Variants in INAVA observed in about 807,000 individuals in gnomAD.
INAVA encodes the protein innate immunity activator protein.
A neutral mutation model predicts 55.3 loss-of-function variants in INAVA; 32 were observed. The ratio of observed to expected loss-of-function variants is 0.58; its 90% CI spans 0.44 to 0.78. INAVA has a LOEUF of 0.78. INAVA is among the 30% of genes least tolerant of loss of function. INAVA has a pLI of 0.00. For missense variants in INAVA, 756 were observed against 786.4 expected (o/e 0.96, Z 0.46); for synonymous variants, 294 against 329.4 (o/e 0.89, Z 1.16).
chr1:200,911,751 G>C lies in INAVA; in HGVS notation c.1258G>C (p.Ala420Pro), dbSNP rs772463898. 3 of 1,611,520 alleles carry C rather than the reference G, an allele frequency of 1.9e-6. No homozygotes were observed. The South Asian group carries it at 3.3e-5, about 18-fold the overall frequency. ...CCCAGCCGGCAGCAGAGAGCTGGTC[G>C]CCCACCACCCCAAGCTACTGCTGCC... ...WVPAGSRELV[A>P]HHPKLLLPPG... The change falls in exon 9 of 10, where the codon GCC (alanine) becomes CCC (proline). Residue 420 changes from alanine to proline, a missense_variant. By Grantham distance (27) the Ala-to-Pro change is conservative (BLOSUM62 -1). Transcript: ENST00000413687.
At position 200,911,710 on chromosome 1, in the gene INAVA, A is replaced by T; in HGVS notation, c.1217A>T (p.His406Leu). The part of the protein sequence containing the change: ...QPLSPPKTHR[H>L]RGAWVPAGSR... ...CTCTCCCCTCCCAAGACCCATCGTCACCGCGGGGCCTGGGTCCCAGCCGGC... is the reference window on the plus strand; with the variant it reads ...CTCTCCCCTCCCAAGACCCATCGTCTCCGCGGGGCCTGGGTCCCAGCCGGC... The change falls in exon 9 of 10, where the codon CAC becomes CTC. Residue 406 changes from histidine (H) to leucine (L), a missense_variant. By Grantham distance (99) the His-to-Leu change is moderately conservative (BLOSUM62 -3). This residue lies in a region of INAVA where 639 missense variants were observed against 624.3 expected (regional missense o/e 1.02). Coordinates refer to ENST00000413687, the MANE Select transcript of INAVA (RefSeq NM_001142569.3). The T allele has an allele frequency of 6.2e-7, 1 of 1,613,424 alleles. No homozygotes were observed. Among genetic ancestry groups the T allele is most frequent in the Non-Finnish European group, 8.5e-7 (1 of 1,179,640 alleles).
intron 3 of INAVA, among the ~76,000 whole-genome samples, chr1:200,899,872 A>ACC (rs1277418686): frequency 6.6e-6 from 1 of 152,216 alleles, no homozygotes; most frequent in Non-Finnish European, 1.5e-5. Context: ...GAGTGCTGTA[A>ACC]CCCGGGTCGG....
intron 5 of INAVA, among the ~76,000 whole-genome samples, chr1:200,903,512 A>G (rs1653351363): frequency 1.3e-5 from 2 of 151,860 alleles, no homozygotes; most frequent in Admixed American, 1.3e-4. Flanking sequence ...AAACAAAACA[A>G]AAAAACAGGA....
rs2271018 is a variant in INAVA, at chr1:200,898,364, C to T, written c.-37C>T. 95 of 1,613,932 alleles carry T rather than the reference C, an allele frequency of 5.9e-5. No homozygotes were observed. In the African/African-American group the frequency reaches 1.2e-3, roughly 21 times the overall value. On this transcript the variant is annotated 5_prime_UTR_variant, in exon 2 of 10. Transcript: ENST00000413687. ...GCCCAGGCTGGTCACGGTGTCCCCC[C>T]TCCCTGCTCTGTGCCCTCTCCTTCC...
chr1:200,891,812 T>A, upstream of INAVA: 1 of 683,608 alleles, frequency 1.5e-6, no homozygotes, highest in Non-Finnish European at 2.2e-6. Context: ...GGGAATGGGG[T>A]AATTTTTTCA....
In INAVA at chr1:200,911,793, G is replaced by A. The variant is rs755916582; in HGVS notation, c.1300G>A (p.Ala434Thr). 116 of 1,609,808 alleles carry A rather than the reference G, an allele frequency of 7.2e-5. 1 individual carries two copies. The highest frequency in any genetic ancestry group is 5.2e-4 in the Middle Eastern group (3 of 5,814). Reference sequence around the variant, plus strand: ...ACTGCTGCCGCCTGGCTATTTCCCGGCGGGGCGGTACGTGGTGGTGGCTGA... The same window carrying A: ...ACTGCTGCCGCCTGGCTATTTCCCGACGGGGCGGTACGTGGTGGTGGCTGA... ...KLLLPPGYFP[A>T]GRYVVVAESP... The change falls in exon 9 of 10, where the codon GCG becomes ACG. Residue 434 changes from alanine (A) to threonine (T), a missense_variant. Physicochemically the swap from Ala to Thr is moderately conservative, Grantham distance 58. Around this residue, in one of 2 missense-constraint regions of INAVA, gnomAD observed 639 missense variants for 624.3 expected, o/e 1.02. Transcript: ENST00000413687.
At chr1:200,895,476 G>A (rs1334662233) in intron 1 of INAVA, among the ~76,000 whole-genome samples, 1 of 152,048 alleles carries the variant, frequency 6.6e-6, no homozygotes, top group Non-Finnish European at 1.5e-5. Context: ...CAGCCGGGTG[G>A]GCTGCTTTTT....
At position 200,898,488 on chromosome 1, in the gene INAVA, C is replaced by T. The variant is rs753790429; in HGVS notation, c.55+33C>T. The stretch of plus-strand genomic sequence containing the variant: ...TTCAGGGAAATCCCCCTGCCCTAGT[C>T]CCTAGTCCCTGGTCCCTGGTCCCTG... On this transcript the variant is annotated intron_variant, in intron 2 of 9. Coordinates refer to ENST00000413687, the MANE Select transcript of INAVA (RefSeq NM_001142569.3). The T allele has an allele frequency of 3.1e-6, 5 of 1,608,718 alleles. No individual in the cohort carries two copies. The South Asian group carries it at 4.4e-5, about 14-fold the overall frequency.
At chr1:200,896,046 G>A (rs771548843) in intron 1 of INAVA, among the ~76,000 whole-genome samples, 41 of 152,120 alleles carry the variant, frequency 2.7e-4, no homozygotes, top group Admixed American at 3.9e-4. Flanking sequence ...GGCTGAGCTG[G>A]GAGAAGGGGA....
chr1:200,904,354 G>C (rs900360194), intron 5 of INAVA, among the ~76,000 whole-genome samples: 2 of 152,200 alleles, frequency 1.3e-5, no homozygotes, highest in Non-Finnish European at 2.9e-5. Flanking sequence ...CTCCCAAGTG[G>C]TGGGATTACA....
At chr1:200,911,421 C>T (rs200110398) in intron 8 of INAVA, 32 bp from the exon 9 acceptor site, 2 of 1,582,124 alleles carry the variant, frequency 1.3e-6, no homozygotes, top group South Asian at 2.3e-5. Context: ...TTCTGCCCCC[C>T]ACACTCAGAA....
chr1:200,910,211 T>C (rs1341455807), intron 8 of INAVA, among the ~76,000 whole-genome samples: 2 of 152,184 alleles, frequency 1.3e-5, no homozygotes, highest in African/African-American at 2.4e-5. Context: ...GGGCAGAACA[T>C]GGCCTCGTTT....
intron 5 of INAVA, among the ~76,000 whole-genome samples, chr1:200,904,944 C>G (rs1436602447): frequency 6.6e-6 from 1 of 152,166 alleles, no homozygotes; most frequent in Non-Finnish European, 1.5e-5. Flanking sequence ...TGGGATCTTG[C>G]TATATTGCCC....
chr1:200,893,108 A>G (rs1218285026), upstream of INAVA, among the ~76,000 whole-genome samples: 1 of 152,194 alleles, frequency 6.6e-6, no homozygotes, highest in Non-Finnish European at 1.5e-5. Flanking sequence ...TTAGTTATGA[A>G]GACAACAAAT....
chr1:200,892,364 A>C (rs536453853), upstream of INAVA, among the ~76,000 whole-genome samples: 1 of 152,260 alleles, frequency 6.6e-6, no homozygotes, highest in South Asian at 2.1e-4. Flanking sequence ...CCTTGCTTTA[A>C]AGAACTTCCA....
intron 5 of INAVA, among the ~76,000 whole-genome samples, chr1:200,903,395 A>C (rs181532980): frequency 9.9e-5 from 15 of 152,106 alleles, no homozygotes; most frequent in African/African-American, 3.4e-4. Context: ...GAGCCAGGAG[A>C]ATCCCTTGAA....
intron 8 of INAVA, 108 bp from the exon 9 acceptor site, chr1:200,911,345 G>A: frequency 9.6e-7 from 1 of 1,037,036 alleles, no homozygotes; most frequent in South Asian, 1.4e-5. Flanking sequence ...GCCATGCTTG[G>A]GCCTTGAGGT....
rs933416440 is a variant in INAVA, at chr1:200,895,096, G to A, written c.-95+9G>A. On this transcript the variant is annotated intron_variant, in intron 1 of 9. Coordinates refer to ENST00000413687, the MANE Select transcript of INAVA (RefSeq NM_001142569.3). Reference sequence around the variant, plus strand: ...CTAAAGCCCAGAAGCAGGTGAGGGCGGGGGAGGTGGAATGGGTCTTTGGGG... The same window carrying A: ...CTAAAGCCCAGAAGCAGGTGAGGGCAGGGGAGGTGGAATGGGTCTTTGGGG... 1.1e-5 allele frequency: 11 copies of A among 985,538 alleles called. No homozygotes were observed. Among genetic ancestry groups the A allele is most frequent in the African/African-American group, 8.7e-5 (5 of 57,222 alleles). 61.0% of individuals were successfully genotyped at this position (985,538 alleles called of 1,614,324 possible).
upstream of INAVA, among the ~76,000 whole-genome samples, chr1:200,892,010 G>A (rs914854351): frequency 1.3e-5 from 2 of 152,162 alleles, no homozygotes; most frequent in Non-Finnish European, 2.9e-5. Context: ...AGGGGAGCAG[G>A]GTGGACAGGA....
Sources: gnomAD v4.1 joint callset for allele counts (sites outside exome capture counted in the v4.1 genomes callset) on GRCh38, gnomAD v4.1.1 for gene constraint, gnomAD v4.1.1 regional missense constraint, MANE v1.5 for transcripts, NCBI Gene and HGNC (gene_info 2026-07-23, HGNC 2026-07-21) for gene names.